Variants in GASK1A observed in about 807,000 individuals in gnomAD.
The protein encoded by GASK1A is golgi associated kinase 1A.
GASK1A carries 40 observed loss-of-function variants against 41.2 expected under a neutral mutation model. That is an observed-to-expected ratio of 0.97 (90% confidence interval 0.75 to 1.27). The LOEUF (loss-of-function observed/expected upper bound fraction) is 1.27. Among genes scored for constraint, GASK1A ranks in the 50% most tolerant of loss-of-function variants. The pLI is 0.00. For missense variants in GASK1A, 678 were observed against 745.1 expected, an observed-to-expected ratio of 0.91 and a Z score of 1.05; for synonymous variants, 316 against 307.1, an observed-to-expected ratio of 1.03 and a Z score of -0.30.
intron 1 of GASK1A, among the ~76,000 whole-genome samples, chr3:43,010,166 T>A (rs11718847): frequency 0.11 from 16,296 of 152,148 alleles, 1,149 homozygotes; most frequent in South Asian, 0.21. Flanking sequence ...TATCCTTCAC[T>A]CCCTGTTGTC....
chr3:43,055,983 T>G lies in GASK1A; in HGVS notation c.1518-193T>G. 6.9e-6 allele frequency: 4 copies of G among 582,506 alleles called. No homozygotes were observed. The South Asian group carries it at 8.6e-5, about 12-fold the overall frequency. 36.1% of individuals were successfully genotyped at this position (582,506 alleles called of 1,614,324 possible). A position where few individuals can be genotyped will look rare whatever the true frequency, so the allele number is the denominator to read the frequency against. ...CATCTGAAAGGTCTGTCCCCTGCCT[T>G]CACAGCAAAGCCAGGCAAAGGGTCC... On this transcript the variant is annotated intron_variant, in intron 4 of 4. Transcript: ENST00000430121.
In GASK1A at chr3:43,032,551, CCA is replaced by C. The variant is rs1335768972; in HGVS notation, c.289_290del (p.His97Ter). ...TCTTGGTCTGTGCTGAGGAGCAAGG[CCA>C]TAGAGCAAGAGTGGACAGAAGCAGG... ...SILVCAEEQG[H>X]RARVDRSRES... On this transcript the variant is annotated frameshift_variant, in exon 2 of 5. Coordinates refer to ENST00000430121, the MANE Select transcript of GASK1A (RefSeq NM_001129908.3). LOFTEE classifies it high-confidence loss of function. 5.2e-5 allele frequency: 80 copies of C among 1,549,308 alleles called. No homozygotes were observed. The highest frequency in any genetic ancestry group is 6.6e-5 in the Non-Finnish European group (76 of 1,145,128).
At chr3:42,985,793 G>A (rs1211915552) in intron 1 of GASK1A, among the ~76,000 whole-genome samples, 4 of 152,096 alleles carry the variant, frequency 2.6e-5, no homozygotes, top group Non-Finnish European at 5.9e-5. Context: ...GAAAGGAGAA[G>A]CCACTGTACA....
At chr3:43,047,366 T>G (rs2089669284) in intron 2 of GASK1A, among the ~76,000 whole-genome samples, 1 of 152,240 alleles carries the variant, frequency 6.6e-6, no homozygotes, top group South Asian at 2.1e-4. Flanking sequence ...ATGAACTCTC[T>G]AACCCTGTCC....
intron 1 of GASK1A, among the ~76,000 whole-genome samples, chr3:42,987,395 A>T (rs615462): frequency 7.9e-5 from 12 of 151,972 alleles, no homozygotes; most frequent in African/African-American, 2.7e-4. Flanking sequence ...GTACTGATAA[A>T]GCCTGGTACT....
chr3:43,029,156 A>G (rs1345450433), intron 1 of GASK1A, among the ~76,000 whole-genome samples: 1 of 152,066 alleles, frequency 6.6e-6, no homozygotes, highest in Non-Finnish European at 1.5e-5. Flanking sequence ...GAAAGTATCC[A>G]TTGGCCCTGA....
intron 1 of GASK1A, among the ~76,000 whole-genome samples, chr3:42,997,380 G>T (rs1270743123): frequency 6.7e-6 from 1 of 150,374 alleles, no homozygotes; most frequent in African/African-American, 2.4e-5. Flanking sequence ...TGTTTCAAGT[G>T]TGAGGTATTA....
chr3:43,033,110 G>T lies in GASK1A; in HGVS notation c.847G>T (p.Val283Phe). 1 of 1,551,698 alleles carries T rather than the reference G, an allele frequency of 6.4e-7. No individual in the cohort carries two copies. The highest frequency in any genetic ancestry group is 8.7e-7 in the Non-Finnish European group (1 of 1,146,962). ...GGGGGAGGTGGTGGACAAAGCCAGG[G>T]TCCCCGCCCATGGGCAGGTGCTACA... The part of the protein sequence containing the change: ...AQGEVVDKAR[V>F]PAHGQVLQVG... The change falls in exon 2 of 5, where the codon GTC (valine) becomes TTC (phenylalanine). Residue 283 changes from valine to phenylalanine, a missense_variant. Transcript: ENST00000430121.
At chr3:43,055,019 C>T (rs2089709257) in intron 3 of GASK1A, among the ~76,000 whole-genome samples, 1 of 152,166 alleles carries the variant, frequency 6.6e-6, no homozygotes, top group Non-Finnish European at 1.5e-5. Context: ...CACCCTTGCT[C>T]CTCACCCCTT....
chr3:42,983,315 C>A (rs148478455), intron 1 of GASK1A, among the ~76,000 whole-genome samples: 74 of 152,078 alleles, frequency 4.9e-4, no homozygotes, highest in African/African-American at 1.8e-3. Flanking sequence ...ACAAACGACC[C>A]ACAAAAATAG....
chr3:43,023,787 G>GTT, intron 1 of GASK1A, among the ~76,000 whole-genome samples: 1 of 152,148 alleles, frequency 6.6e-6, no homozygotes, highest in Non-Finnish European at 1.5e-5. Flanking sequence ...CAGACCTACT[G>GTT]AGCACTGTTA....
At chr3:42,994,949 A>G (rs2089362037) in intron 1 of GASK1A, among the ~76,000 whole-genome samples, 1 of 152,212 alleles carries the variant, frequency 6.6e-6, no homozygotes, top group African/African-American at 2.4e-5. Context: ...CATAGTAGCC[A>G]CTACTTGCAG....
At chr3:42,979,985 G>T (rs1222602582) in intron 1 of GASK1A, among the ~76,000 whole-genome samples, 20 of 152,168 alleles carry the variant, frequency 1.3e-4, no homozygotes, top group Admixed American at 1.3e-3. Flanking sequence ...GGAACCCACG[G>T]CAGCCTCTGA....
At chr3:43,048,036 T>C (rs1004294657) in intron 2 of GASK1A, among the ~76,000 whole-genome samples, 2 of 152,154 alleles carry the variant, frequency 1.3e-5, no homozygotes, top group African/African-American at 2.4e-5. Context: ...CAAAAAAGAT[T>C]CAATGGGTTG....
At chr3:43,049,456 T>C (rs1428901859) in intron 2 of GASK1A, among the ~76,000 whole-genome samples, 1 of 152,208 alleles carries the variant, frequency 6.6e-6, no homozygotes, top group Non-Finnish European at 1.5e-5. Flanking sequence ...GAATATTGGT[T>C]ACCCAAAGTT....
intron 4 of GASK1A, chr3:43,055,788 C>A: frequency 2.0e-6 from 1 of 504,216 alleles, no homozygotes; most frequent in Non-Finnish European, 3.6e-6. Context: ...TGTGGGAAGG[C>A]TAGTCCTTCC....
chr3:43,054,647 A>G (rs1472219728), intron 3 of GASK1A, among the ~76,000 whole-genome samples: 2 of 152,146 alleles, frequency 1.3e-5, no homozygotes, highest in Non-Finnish European at 2.9e-5. Flanking sequence ...ATGCCCATGG[A>G]CTTTTGGAGG....
chr3:43,028,817 A>AG (rs2089560707), intron 1 of GASK1A, among the ~76,000 whole-genome samples: 1 of 152,146 alleles, frequency 6.6e-6, no homozygotes, highest in Non-Finnish European at 1.5e-5. Flanking sequence ...GGCTGAAGTG[A>AG]GGGGGACATC....
intron 1 of GASK1A, among the ~76,000 whole-genome samples, chr3:43,029,693 A>G (rs2125685582): frequency 6.6e-6 from 1 of 152,322 alleles, no homozygotes. Flanking sequence ...CCTCATGTCC[A>G]GGAGGCAGAA....
Sources: gnomAD v4.1 joint callset for allele counts (sites outside exome capture counted in the v4.1 genomes callset) on GRCh38, gnomAD v4.1.1 for gene constraint, MANE v1.5 for transcripts, NCBI Gene and HGNC (gene_info 2026-07-23, HGNC 2026-07-21) for gene names.